Variants in PLXNC1 observed in about 807,000 individuals in gnomAD.
PLXNC1 encodes the protein plexin C1, also known as plexin-C1.
A neutral mutation model predicts 178.2 loss-of-function variants in PLXNC1; 75 were observed. The observed-to-expected ratio is 0.42, with a 90% CI of 0.35 to 0.51. The LOEUF (loss-of-function observed/expected upper bound fraction) is 0.51. PLXNC1 is among the 20% of genes least tolerant of loss of function. The probability of loss-of-function intolerance (pLI) is 0.02; values close to 1 mark genes in which losing one functional copy is unlikely to be tolerated. For missense variants in PLXNC1, 1,503 were observed against 1,984.4 expected, an observed-to-expected ratio of 0.76 and a Z score of 4.61; for synonymous variants, 790 against 779.9, an observed-to-expected ratio of 1.01 and a Z score of -0.22.
At chr12:94,161,583 CTAT>C (rs1481597488) in intron 1 of PLXNC1, among the ~76,000 whole-genome samples, 2 of 152,124 alleles carry the variant, frequency 1.3e-5, no homozygotes, top group African/African-American at 4.8e-5. Flanking sequence ...AAGGACAATC[CTAT>C]TATTATTTGC....
chr12:94,270,558 C>A (rs913070906), intron 21 of PLXNC1, among the ~76,000 whole-genome samples: 5 of 152,130 alleles, frequency 3.3e-5, no homozygotes, highest in Admixed American at 2.6e-4. Context: ...GTCTGAAACT[C>A]ATGGGGCTCT....
At chr12:94,297,122 A>C in intron 24 of PLXNC1, 67 bp from the exon 25 acceptor site, 3 of 1,523,988 alleles carry the variant, frequency 2.0e-6, no homozygotes, top group Non-Finnish European at 2.7e-6. Context: ...TTTTAAGAGA[A>C]GGCCGATTAG....
intron 21 of PLXNC1, chr12:94,277,608 GA>G: frequency 3.4e-6 from 1 of 291,682 alleles, no homozygotes. Flanking sequence ...GGTGGACTGG[GA>G]TGAAAGCCAG....
Position 94,237,777 on chromosome 12 carries a change from A to G in PLXNC1, c.2094A>G (p.Lys698=), listed in dbSNP as rs752811958. 1 of 1,613,996 alleles carries G rather than the reference A, an allele frequency of 6.2e-7. No homozygotes were observed. Among genetic ancestry groups the G allele is most frequent in the South Asian group, 1.1e-5 (1 of 91,084 alleles). Residue 698 remains lysine (K), a synonymous_variant, in exon 10 of 31, where the codon AAA becomes AAG. Transcript: ENST00000258526. ...TRASNITMIL[K]GTSTCDKDVI... ...CATCGAACATCACAATGATCCTGAAAGGAACCAGTACCTGTGATAAGGATG... is the reference window on the plus strand; with the variant it reads ...CATCGAACATCACAATGATCCTGAAGGGAACCAGTACCTGTGATAAGGATG...
At chr12:94,199,896 T>C (rs536556623) in intron 4 of PLXNC1, among the ~76,000 whole-genome samples, 3 of 152,306 alleles carry the variant, frequency 2.0e-5, no homozygotes, top group Admixed American at 2.0e-4. Context: ...GTCCAAATGA[T>C]TCTTCTGCCT....
At chr12:94,175,985 G>C (rs527250372) in intron 2 of PLXNC1, among the ~76,000 whole-genome samples, 1 of 152,208 alleles carries the variant, frequency 6.6e-6, no homozygotes, top group Non-Finnish European at 1.5e-5. Context: ...TTGGAGACTT[G>C]AAAGATAAAG....
At chr12:94,288,703 G>A (rs1245344550) in intron 23 of PLXNC1, among the ~76,000 whole-genome samples, 1 of 152,202 alleles carries the variant, frequency 6.6e-6, no homozygotes, top group Non-Finnish European at 1.5e-5. Context: ...ACAAGATTTT[G>A]TTTTCATCAG....
intron 5 of PLXNC1, among the ~76,000 whole-genome samples, chr12:94,212,864 C>T (rs548769550): frequency 4.0e-5 from 6 of 151,540 alleles, no homozygotes; most frequent in South Asian, 4.2e-4. Context: ...GGACTACAGG[C>T]GCCCACCACT....
chr12:94,245,603 A>C (rs1964508297), intron 12 of PLXNC1, among the ~76,000 whole-genome samples: 1 of 152,218 alleles, frequency 6.6e-6, no homozygotes, highest in Admixed American at 6.5e-5. Flanking sequence ...AAACCCTGTG[A>C]GTCCAAGAAG....
intron 21 of PLXNC1, among the ~76,000 whole-genome samples, chr12:94,273,210 T>C (rs1229548864): frequency 6.6e-6 from 1 of 152,196 alleles, no homozygotes. Context: ...ATTACAAATC[T>C]AGAACCATAT....
chr12:94,278,318 C>T (rs552562566), intron 21 of PLXNC1, among the ~76,000 whole-genome samples: 3 of 152,322 alleles, frequency 2.0e-5, no homozygotes, highest in Admixed American at 1.3e-4. Flanking sequence ...TTGCAAAATA[C>T]TCTTGGCTCT....
intron 14 of PLXNC1, among the ~76,000 whole-genome samples, chr12:94,250,484 G>A (rs1000079787): frequency 4.6e-5 from 7 of 152,110 alleles, no homozygotes; most frequent in East Asian, 1.9e-4. Flanking sequence ...TCAGCTATCC[G>A]GGTCCAAATC....
At position 94,297,400 on chromosome 12, in the gene PLXNC1, CTG is replaced by C; in HGVS notation, c.4052_4053del (p.Leu1351HisfsTer15). Reference sequence around the variant, plus strand: ...CAAGTTCAAAGTAAAAGAAATGTATCTGACAAAGCTGCTGTCGACCAAGGTAC... The same window carrying C: ...CAAGTTCAAAGTAAAAGAAATGTATCACAAAGCTGCTGTCGACCAAGGTAC... ...KHKFKVKEMY[L>X]TKLLSTKVAI... is the part of the protein sequence containing the mutation. On this transcript the variant is annotated frameshift_variant, in exon 26 of 31. Coordinates refer to ENST00000258526, the MANE Select transcript of PLXNC1 (RefSeq NM_005761.3). LOFTEE classifies it high-confidence loss of function. 6.2e-7 allele frequency: 1 copy of C among 1,613,208 alleles called. No individual in the cohort carries two copies. The highest frequency in any genetic ancestry group is 8.5e-7 in the Non-Finnish European group (1 of 1,179,384).
chr12:94,195,250 C>T (rs544550234), intron 4 of PLXNC1, among the ~76,000 whole-genome samples: 1 of 152,184 alleles, frequency 6.6e-6, no homozygotes, highest in African/African-American at 2.4e-5. Context: ...ATCCAAGTCT[C>T]TCCCGGCCTC....
intron 2 of PLXNC1, among the ~76,000 whole-genome samples, chr12:94,179,507 G>A (rs1962224582): frequency 6.6e-6 from 1 of 152,166 alleles, no homozygotes; most frequent in Admixed American, 6.5e-5. Context: ...TTGGGAGGCA[G>A]AGGCGAGCGG....
At chr12:94,302,547 G>A (rs1968568506) in intron 28 of PLXNC1, among the ~76,000 whole-genome samples, 1 of 152,174 alleles carries the variant, frequency 6.6e-6, no homozygotes, top group Non-Finnish European at 1.5e-5. Flanking sequence ...GCACTTAAAT[G>A]TTTGTTCACA....
intron 1 of PLXNC1, among the ~76,000 whole-genome samples, chr12:94,153,535 C>T (rs557605716): frequency 1.4e-4 from 22 of 152,318 alleles, no homozygotes; most frequent in African/African-American, 4.3e-4. Context: ...GGCACACCAA[C>T]GTGATACACA....
Position 94,149,471 on chromosome 12 carries a change from ACCG to A in PLXNC1, c.502_504del (p.Arg168del), listed in dbSNP as rs1474755393. The A allele has an allele frequency of 6.7e-7, 1 of 1,501,416 alleles. No individual in the cohort carries two copies. The highest frequency in any genetic ancestry group is 8.8e-7 in the Non-Finnish European group (1 of 1,132,150). 93.0% of individuals were successfully genotyped at this position (1,501,416 alleles called of 1,614,324 possible). ...CAGGGCTCGACGGCCGGCGTGGTGT[ACCG>A]CGCGGGCCGGAACAACCGCTGGTAC... On this transcript the variant is annotated inframe_deletion, in exon 1 of 31. Coordinates refer to ENST00000258526, the MANE Select transcript of PLXNC1 (RefSeq NM_005761.3).
At chr12:94,216,207 G>A (rs991563578) in intron 5 of PLXNC1, among the ~76,000 whole-genome samples, 2 of 151,500 alleles carry the variant, frequency 1.3e-5, no homozygotes, top group African/African-American at 2.4e-5. Flanking sequence ...GGTGAAGGTT[G>A]CAGTGAACCA....
Sources: gnomAD v4.1 joint callset for allele counts (sites outside exome capture counted in the v4.1 genomes callset) on GRCh38, gnomAD v4.1.1 for gene constraint, MANE v1.5 for transcripts, NCBI Gene and HGNC (gene_info 2026-07-23, HGNC 2026-07-21) for gene names.